CTPS2: variants seen among roughly 807,000 people sequenced by gnomAD.
The protein encoded by CTPS2 is CTP synthase 2, also known as CTP synthase II.
Under a neutral mutation model 46.8 loss-of-function variants are expected in CTPS2, and 19 were observed. That is an observed-to-expected ratio of 0.41 (90% CI 0.28 to 0.60). The LOEUF is 0.60. Ranked by LOEUF, CTPS2 falls within the 20% of genes least tolerant of loss-of-function variation. CTPS2 has a pLI of 0.35. For missense variants in CTPS2, 286 were observed against 447.6 expected (o/e 0.64, Z 3.26); for synonymous variants, 151 against 165.2 (o/e 0.91, Z 0.66).
At chrX:16,675,136 C>A in intron 10 of CTPS2, among the ~76,000 whole-genome samples, 1 of 109,810 alleles carries the variant, frequency 9.1e-6, no homozygotes, top group Middle Eastern at 4.2e-3. Context: ...GGCATGATGG[C>A]GGGTGCCTGT....
At position 16,699,028 on chromosome X, in the gene CTPS2, A is replaced by C. The variant is rs1924355321; in HGVS notation, c.232T>G (p.Leu78Val). 2 of 1,185,606 alleles carry C rather than the reference A, an allele frequency of 1.7e-6. No individual in the cohort carries two copies. The highest frequency in any genetic ancestry group is 2.3e-6 in the Non-Finnish European group (2 of 879,956). ...DLDLGNYERF[L>V]DINLYKDNNI... ...TTGTCTTTATAAAGATTAATATCCA[A>C]AAATCTTTCATAATTTCCAAGGTCT... Residue 78 changes from leucine (L) to valine (V), a missense_variant, in exon 3 of 19, where the codon TTG (leucine) becomes GTG (valine). Leu to Val is a conservative substitution (Grantham distance 32). Transcript: ENST00000359276.
chrX:16,698,474 A>G (rs1924296190), intron 3 of CTPS2, 138 bp from the exon 4 acceptor site: 1 of 454,286 alleles, frequency 2.2e-6, no homozygotes, highest in African/African-American at 2.4e-5. Flanking sequence ...AAAAAAACGC[A>G]ACAATTTTAA....
Position 16,667,538 on chromosome X carries a change from A to G in CTPS2, c.1272T>C (p.Phe424=). 2 of 1,211,352 alleles carry G rather than the reference A, an allele frequency of 1.7e-6. No homozygotes were observed. The highest frequency in any genetic ancestry group is 2.2e-6 in the Non-Finnish European group (2 of 894,961). Residue 424 remains phenylalanine (F), a synonymous_variant, in exon 13 of 19, where the codon TTT becomes TTC. Transcript: ENST00000359276. ...CCAGAGGAACTGGGGCATTTGGCCT[A>G]AACTCTGTGGAATCAGCATCTGAAG... is the stretch of plus-strand genomic sequence containing the variant. ...LNLKDADSTE[F]RPNAPVPLVI... is the part of the protein sequence containing the mutation.
intron 1 of CTPS2, chrX:16,711,407 TTAGACCAGGCAGGCC>T (rs1192219070): frequency 1.8e-5 from 2 of 111,455 alleles, no homozygotes; most frequent in Non-Finnish European, 3.8e-5. Flanking sequence ...GGCTCCCACA[TTAGACCAGGCAGGCC>T]TAGAGCAAAT....
chrX:16,600,230 C>G (rs1929580185), intron 17 of CTPS2, among the ~76,000 whole-genome samples: 1 of 111,941 alleles, frequency 8.9e-6, no homozygotes, highest in South Asian at 3.7e-4. Flanking sequence ...TTTACGCTAC[C>G]CCAAGGCAGC....
chrX:16,658,802 G>A (rs943019511), intron 13 of CTPS2, among the ~76,000 whole-genome samples: 5 of 112,348 alleles, frequency 4.5e-5, no homozygotes, highest in African/African-American at 1.6e-4. Flanking sequence ...GAACTTTACT[G>A]TTGGCTACTG....
chrX:16,590,669 C>T (rs756774962), intron 18 of CTPS2, 83 bp downstream of exon 18: 4 of 479,820 alleles, frequency 8.3e-6, no homozygotes, highest in Admixed American at 3.5e-5. Flanking sequence ...TCCTGTGAGG[C>T]GAGTCCTATA....
chrX:16,595,874 A>G (rs1929217450), intron 17 of CTPS2, among the ~76,000 whole-genome samples: 1 of 111,504 alleles, frequency 9.0e-6, no homozygotes, highest in Non-Finnish European at 1.9e-5. Context: ...ATTTCCTTAA[A>G]AAAAATTTTT....
intron 13 of CTPS2, among the ~76,000 whole-genome samples, chrX:16,649,674 A>C (rs1387045246): frequency 9.0e-6 from 1 of 111,402 alleles, no homozygotes; most frequent in African/African-American, 3.3e-5. Context: ...TAAATTTTTC[A>C]GTAGAAATGT....
At chrX:16,621,086 T>C (rs1184364034) in intron 14 of CTPS2, among the ~76,000 whole-genome samples, 2 of 110,753 alleles carry the variant, frequency 1.8e-5, no homozygotes, top group East Asian at 5.7e-4. Flanking sequence ...ACCAGGGGTG[T>C]GTGGCTGAGA....
At chrX:16,636,547 TG>T (rs1223915493) in intron 14 of CTPS2, among the ~76,000 whole-genome samples, 2 of 112,045 alleles carry the variant, frequency 1.8e-5, no homozygotes, top group Non-Finnish European at 3.8e-5. Flanking sequence ...TGACAGCTAA[TG>T]GGCACAGGGT....
chrX:16,595,180 C>T (rs1929164708), intron 17 of CTPS2, among the ~76,000 whole-genome samples: 1 of 111,778 alleles, frequency 8.9e-6, no homozygotes, highest in Non-Finnish European at 1.9e-5. Context: ...CACACACACA[C>T]ACACACACAC....
At chrX:16,707,413 G>T (rs750154406) in intron 1 of CTPS2, among the ~76,000 whole-genome samples, 1 of 112,265 alleles carries the variant, frequency 8.9e-6, no homozygotes, top group African/African-American at 3.2e-5. Flanking sequence ...GCTCACATCT[G>T]TAATCCCAAC....
chrX:16,658,099 G>C (rs1293832971), intron 13 of CTPS2, among the ~76,000 whole-genome samples: 2 of 109,490 alleles, frequency 1.8e-5, no homozygotes, highest in African/African-American at 6.7e-5. Context: ...CCAGTTACTC[G>C]GGAGGCTGAG....
rs1037490329 is a variant in CTPS2, at chrX:16,684,788, C to T, written c.873-1562G>A. Among the ~76,000 whole-genome samples the T allele has an allele frequency of 2.7e-5, 3 of 111,563 alleles. No individual in the cohort carries two copies. The Admixed American group carries it at 2.9e-4, about 11-fold the overall frequency. ...GCTGTCTGTATCTCACACCACCTCT[C>T]CATAAAGTATGCAGGTAACGGGCCG... On this transcript the variant is annotated intron_variant, in intron 8 of 18. Transcript: ENST00000359276.
At chrX:16,649,568 T>G (rs972223060) in intron 13 of CTPS2, among the ~76,000 whole-genome samples, 2 of 112,107 alleles carry the variant, frequency 1.8e-5, no homozygotes, top group African/African-American at 6.5e-5. Context: ...CATGGCTCAC[T>G]GTTGCCTCAA....
chrX:16,667,842 G>C, intron 11 of CTPS2, 118 bp from the exon 12 acceptor site: 1 of 625,392 alleles, frequency 1.6e-6, no homozygotes, highest in South Asian at 2.7e-5. Context: ...CAGAGAGCAA[G>C]ACTCTGCCTG....
Position 16,700,103 on chromosome X carries a change from T to C in CTPS2, c.167-1010A>G, listed in dbSNP as rs1262761794. 4.1e-5 allele frequency among the ~76,000 whole-genome samples: 3 copies of C among 72,693 alleles called. No individual in the cohort carries two copies. The Admixed American group carries it at 4.8e-4, about 12-fold the overall frequency. 63.1% of individuals were successfully genotyped at this position (72,693 alleles called of 115,157 possible). A position where few individuals can be genotyped will look rare whatever the true frequency, so the allele number is the denominator to read the frequency against. On this transcript the variant is annotated intron_variant, in intron 2 of 18. Coordinates refer to ENST00000359276, the MANE Select transcript of CTPS2 (RefSeq NM_175859.3). ...ATGTACTACCACGCCTGGCTAATCT[T>C]TGTATTACCATTATTATTATTATTA... is the stretch of plus-strand genomic sequence containing the variant.
At chrX:16,675,682 C>T (rs1922212078) in intron 10 of CTPS2, among the ~76,000 whole-genome samples, 1 of 111,772 alleles carries the variant, frequency 8.9e-6, no homozygotes, top group African/African-American at 3.2e-5. Context: ...CACCCACAGA[C>T]AATTGTATTG....
Sources: gnomAD v4.1 joint callset for allele counts (sites outside exome capture counted in the v4.1 genomes callset) on GRCh38, gnomAD v4.1.1 for gene constraint, MANE v1.5 for transcripts, NCBI Gene and HGNC (gene_info 2026-07-23, HGNC 2026-07-21) for gene names.